Variants in SPOCK1 observed in about 807,000 individuals in gnomAD.
SPOCK1 encodes SPARC (osteonectin), cwcv and kazal like domains proteoglycan 1.
Under a neutral mutation model 55.3 loss-of-function variants are expected in SPOCK1, and 23 were observed. The observed-to-expected ratio is 0.42, with a 90% CI of 0.30 to 0.59. The LOEUF is 0.59. Ranked by LOEUF, SPOCK1 falls within the 20% of genes least tolerant of loss-of-function variation. The probability of loss-of-function intolerance (pLI) is 0.22; values close to 1 mark genes in which losing one functional copy is unlikely to be tolerated. For missense variants in SPOCK1, 499 were observed against 552.5 expected (o/e 0.90, Z 0.97); for synonymous variants, 226 against 221.0 (o/e 1.02, Z -0.20).
chr5:137,473,903 T>C (rs1753784948), intron 2 of SPOCK1, among the ~76,000 whole-genome samples: 1 of 152,194 alleles, frequency 6.6e-6, no homozygotes, highest in Admixed American at 6.5e-5. Flanking sequence ...TGGAATACTA[T>C]GCAGCCATAA....
At chr5:137,411,818 A>G (rs1054269351) in intron 2 of SPOCK1, among the ~76,000 whole-genome samples, 6 of 152,324 alleles carry the variant, frequency 3.9e-5, no homozygotes, top group African/African-American at 1.2e-4. Context: ...TCTCCCAAAT[A>G]CCAAACTTTC....
At chr5:137,152,144 C>A (rs550214859) in intron 3 of SPOCK1, among the ~76,000 whole-genome samples, 12 of 152,280 alleles carry the variant, frequency 7.9e-5, no homozygotes, top group African/African-American at 2.9e-4. Context: ...TGGTTGCATC[C>A]CCCACTATAG....
intron 2 of SPOCK1, among the ~76,000 whole-genome samples, chr5:137,420,462 C>T (rs1240135346): frequency 2.0e-5 from 3 of 152,236 alleles, no homozygotes; most frequent in Admixed American, 6.5e-5. Flanking sequence ...TTAATTATTG[C>T]CTCAATTTCA....
intron 2 of SPOCK1, among the ~76,000 whole-genome samples, chr5:137,462,329 C>A (rs1004775440): frequency 6.6e-6 from 1 of 152,212 alleles, no homozygotes; most frequent in South Asian, 2.1e-4. Flanking sequence ...GCAGCCAGAG[C>A]CTGGAGCTTC....
intron 2 of SPOCK1, among the ~76,000 whole-genome samples, chr5:137,424,215 TA>T (rs200470149): frequency 5.9e-5 from 9 of 151,900 alleles, no homozygotes; most frequent in African/African-American, 1.9e-4. Flanking sequence ...GGCCTATCTC[TA>T]AAAAAAACTT....
intron 2 of SPOCK1, among the ~76,000 whole-genome samples, chr5:137,274,392 G>A (rs1198137147): frequency 1.3e-5 from 2 of 152,190 alleles, no homozygotes; most frequent in Non-Finnish European, 2.9e-5. Context: ...CACCAGCTAT[G>A]TGGCCTTGCA....
chr5:137,369,224 C>A (rs1336654888), intron 2 of SPOCK1, among the ~76,000 whole-genome samples: 2 of 152,200 alleles, frequency 1.3e-5, no homozygotes, highest in Non-Finnish European at 2.9e-5. Flanking sequence ...TCTGGGAATC[C>A]TTATTTATGC....
At position 137,228,135 on chromosome 5, in the gene SPOCK1, C is replaced by A. The variant is rs149835036; in HGVS notation, c.232+38875G>T. On this transcript the variant is annotated intron_variant, in intron 3 of 10. Transcript: ENST00000394945. ...TGAGCATCCCTGAATGACTTAAGCCCCAGGACTCATACATGATACATGGCT... is the reference window on the plus strand; with the variant it reads ...TGAGCATCCCTGAATGACTTAAGCCACAGGACTCATACATGATACATGGCT... Among the ~76,000 whole-genome samples, 344 of 152,290 alleles carry A rather than the reference C, an allele frequency of 2.3e-3. 2 individuals carry two copies. The highest frequency in any genetic ancestry group is 6.7e-3 in the African/African-American group (279 of 41,532).
At chr5:137,053,891 T>C (rs1752254557) in intron 6 of SPOCK1, among the ~76,000 whole-genome samples, 1 of 152,258 alleles carries the variant, frequency 6.6e-6, no homozygotes, top group South Asian at 2.1e-4. Context: ...AAAATAAGAA[T>C]GCAGGTGAGC....
At chr5:137,089,549 C>T (rs1447323312) in intron 5 of SPOCK1, among the ~76,000 whole-genome samples, 1 of 152,156 alleles carries the variant, frequency 6.6e-6, no homozygotes, top group Non-Finnish European at 1.5e-5. Context: ...TGTGCTGCTG[C>T]CCCTCAGCAT....
At chr5:137,208,763 T>C (rs1755561886) in intron 3 of SPOCK1, among the ~76,000 whole-genome samples, 1 of 151,882 alleles carries the variant, frequency 6.6e-6, no homozygotes, top group Non-Finnish European at 1.5e-5. Flanking sequence ...GATACTATAC[T>C]CAGTACCTGG....
intron 2 of SPOCK1, among the ~76,000 whole-genome samples, chr5:137,305,251 C>G (rs760461849): frequency 6.6e-6 from 1 of 152,192 alleles, no homozygotes; most frequent in Non-Finnish European, 1.5e-5. Flanking sequence ...TTGTCGGCCA[C>G]CCTGGGTGTT....
intron 6 of SPOCK1, among the ~76,000 whole-genome samples, chr5:137,004,780 G>A (rs969242384): frequency 2.0e-5 from 3 of 152,212 alleles, no homozygotes; most frequent in East Asian, 1.9e-4. Flanking sequence ...CCACCCAGAT[G>A]GAAGTTAAAA....
At chr5:137,170,139 T>C (rs188378793) in intron 3 of SPOCK1, among the ~76,000 whole-genome samples, 8 of 152,376 alleles carry the variant, frequency 5.3e-5, no homozygotes, top group Admixed American at 1.3e-4. Context: ...ATAACCTCCA[T>C]AATCCACCTG....
chr5:137,472,433 T>C (rs892794537), intron 2 of SPOCK1, among the ~76,000 whole-genome samples: 4 of 151,970 alleles, frequency 2.6e-5, no homozygotes, highest in African/African-American at 9.7e-5. Context: ...ATGTTTTTCC[T>C]ATCAGGACAA....
At chr5:137,138,165 G>C (rs1321309198) in intron 4 of SPOCK1, among the ~76,000 whole-genome samples, 1 of 152,176 alleles carries the variant, frequency 6.6e-6, no homozygotes, top group Non-Finnish European at 1.5e-5. Context: ...ACTTGGAAAA[G>C]GAAATAGCCA....
intron 3 of SPOCK1, among the ~76,000 whole-genome samples, chr5:137,179,261 C>A (rs1313697307): frequency 6.6e-6 from 1 of 152,178 alleles, no homozygotes; most frequent in Non-Finnish European, 1.5e-5. Context: ...GTCCCCTTCT[C>A]CCAATTTGAT....
At chr5:137,088,669 G>A (rs926683483) in intron 5 of SPOCK1, among the ~76,000 whole-genome samples, 2 of 152,138 alleles carry the variant, frequency 1.3e-5, no homozygotes, top group Non-Finnish European at 2.9e-5. Context: ...AAAAAAGGTA[G>A]TAAGGTCAGA....
chr5:137,034,025 T>C (rs1751832907), intron 6 of SPOCK1, among the ~76,000 whole-genome samples: 3 of 152,242 alleles, frequency 2.0e-5, no homozygotes, highest in Non-Finnish European at 4.4e-5. Context: ...TTTTCTTTTT[T>C]ACCATTACAC....
Sources: allele counts gnomAD v4.1 joint callset (sites outside exome capture counted in the v4.1 genomes callset), GRCh38; gene constraint gnomAD v4.1.1; transcripts MANE v1.5; gene names NCBI Gene and HGNC (gene_info 2026-07-23, HGNC 2026-07-21).